Variants in ETF1 observed in about 807,000 individuals in gnomAD.
ETF1 encodes the protein eukaryotic peptide chain release factor subunit 1.
ETF1 carries 4 observed loss-of-function variants against 55.1 expected under a neutral mutation model. That is an observed-to-expected ratio of 0.07 (90% confidence interval 0.04 to 0.17). ETF1 has a LOEUF of 0.17. Ranked by LOEUF, ETF1 falls within the 10% of genes least tolerant of loss-of-function variation. The pLI is 1.00. For missense variants in ETF1, 142 were observed against 523.6 expected, an observed-to-expected ratio of 0.27 and a Z score of 7.11; for synonymous variants, 157 against 182.3, an observed-to-expected ratio of 0.86 and a Z score of 1.12.
At chr5:138,508,614 G>C (rs1764645130) in intron 10 of ETF1, 55 bp downstream of exon 10, 3 of 1,605,480 alleles carry the variant, frequency 1.9e-6, no homozygotes, top group Non-Finnish European at 8.5e-7. Context: ...CTAGCCAGGA[G>C]GGACCTTGAC....
At chr5:138,518,500 A>G (rs992264504) in intron 3 of ETF1, among the ~76,000 whole-genome samples, 192 bp downstream of exon 3, 1 of 152,170 alleles carries the variant, frequency 6.6e-6, no homozygotes, top group African/African-American at 2.4e-5. Flanking sequence ...GGCATGAGCC[A>G]CTGTGCCTGG....
chr5:138,515,029 T>A (rs969391180), intron 4 of ETF1, among the ~76,000 whole-genome samples: 5 of 152,230 alleles, frequency 3.3e-5, no homozygotes, highest in Non-Finnish European at 7.3e-5. Flanking sequence ...CACCTGGCCT[T>A]ACCATTCCAT....
At chr5:138,524,912 C>CT (rs763839038) in intron 2 of ETF1, among the ~76,000 whole-genome samples, 12 of 150,330 alleles carry the variant, frequency 8.0e-5, no homozygotes, top group Admixed American at 2.0e-4. Context: ...CTTCCTTTCC[C>CT]TTTTTTTTTC....
intron 9 of ETF1, chr5:138,509,278 G>GATGCACTT (rs1764670341): frequency 1.7e-6 from 1 of 588,596 alleles, no homozygotes; most frequent in South Asian, 7.5e-5. Flanking sequence ...CAACTGTTGT[G>GATGCACTT]ATGCACTTAG....
At chr5:138,525,468 T>TGTA (rs1561838992) in intron 2 of ETF1, among the ~76,000 whole-genome samples, 1 of 15,348 alleles carries the variant, frequency 6.5e-5, no homozygotes, top group Non-Finnish European at 2.0e-4. Flanking sequence ...TTAATAATTT[T>TGTA]ATGAGAACAA....
At chr5:138,524,509 C>T (rs1765374855) in intron 2 of ETF1, among the ~76,000 whole-genome samples, 1 of 150,020 alleles carries the variant, frequency 6.7e-6, no homozygotes, top group Non-Finnish European at 1.5e-5. Flanking sequence ...GCCGTGATCA[C>T]ACCACTGCAC....
chr5:138,538,468 G>C (rs1435990322), intron 2 of ETF1, among the ~76,000 whole-genome samples: 2 of 152,230 alleles, frequency 1.3e-5, no homozygotes, highest in African/African-American at 4.8e-5. Context: ...GGGATTACAG[G>C]TGTGAGTCAA....
At chr5:138,508,408 G>A in intron 10 of ETF1, 21 bp from the exon 11 acceptor site, 1 of 1,613,080 alleles carries the variant, frequency 6.2e-7, no homozygotes. Context: ...AAACCAAAAG[G>A]TAAATTACCT....
intron 2 of ETF1, among the ~76,000 whole-genome samples, chr5:138,524,423 T>C (rs148378086): frequency 4.6e-5 from 7 of 151,884 alleles, no homozygotes; most frequent in African/African-American, 1.4e-4. Flanking sequence ...TATGGTGGTA[T>C]GTGCCTGTAA....
chr5:138,530,024 G>A (rs902664494), intron 2 of ETF1, among the ~76,000 whole-genome samples: 11 of 152,102 alleles, frequency 7.2e-5, no homozygotes, highest in South Asian at 4.1e-4. Flanking sequence ...GGTTATAGGC[G>A]CAAGCGACCG....
At chr5:138,522,877 G>T (rs1373106331) in intron 2 of ETF1, among the ~76,000 whole-genome samples, 1 of 152,112 alleles carries the variant, frequency 6.6e-6, no homozygotes, top group Middle Eastern at 3.4e-3. Flanking sequence ...GCAGTGGCAG[G>T]CGCCTGTAGT....
intron 2 of ETF1, among the ~76,000 whole-genome samples, chr5:138,522,618 C>A (rs983460833): frequency 2.0e-5 from 3 of 151,500 alleles, no homozygotes; most frequent in Admixed American, 2.0e-4. Flanking sequence ...AAAGAAACAA[C>A]CCATATGTCC....
At position 138,517,714 on chromosome 5, in the gene ETF1, A is replaced by G. The variant is rs771063949; in HGVS notation, c.263-14T>C. The G allele has an allele frequency of 3.1e-5, 44 of 1,440,198 alleles. No individual in the cohort carries two copies. The highest frequency in any genetic ancestry group is 4.0e-5 in the Non-Finnish European group (43 of 1,078,078). 89.2% of individuals were successfully genotyped at this position (1,440,198 alleles called of 1,614,324 possible). A position where few individuals can be genotyped will look rare whatever the true frequency, so the allele number is the denominator to read the frequency against. On this transcript the variant is annotated splice_polypyrimidine_tract_variant and intron_variant, in intron 3 of 10. Transcript: ENST00000360541. ...CATTTGGAGGTACTGCAAAGAACAC[A>G]AACAATTTTTCTACTTTACCCCATA...
chr5:138,511,331 T>C, intron 7 of ETF1, 131 bp from the exon 8 acceptor site: 5 of 1,506,144 alleles, frequency 3.3e-6, no homozygotes, highest in South Asian at 1.4e-5. Flanking sequence ...TTAATAAAAA[T>C]ACTAAATATT....
chr5:138,529,683 A>C, intron 2 of ETF1: 2 of 984,992 alleles, frequency 2.0e-6, no homozygotes, highest in Non-Finnish European at 2.4e-6. Context: ...TAACGTCTGA[A>C]AAATCAAACA....
intron 2 of ETF1, among the ~76,000 whole-genome samples, chr5:138,535,015 G>C (rs1765859456): frequency 6.7e-6 from 1 of 148,682 alleles, no homozygotes; most frequent in South Asian, 2.1e-4. Context: ...GCCCAGGCTG[G>C]TATTGGCTCA....
Position 138,543,204 on chromosome 5 carries a change from T to G in ETF1, c.-126A>C. 1 of 537,682 alleles carries G rather than the reference T, an allele frequency of 1.9e-6. No individual in the cohort carries two copies. The highest frequency in any genetic ancestry group is 2.0e-5 in the African/African-American group (1 of 50,898). The allele number at this position is 537,682 out of a possible 1,614,324, so 33.3% of individuals were successfully genotyped here. A position where few individuals can be genotyped will look rare whatever the true frequency, so the allele number is the denominator to read the frequency against. On this transcript the variant is annotated 5_prime_UTR_variant, in exon 1 of 11. An upstream start codon of the reference 5' UTR is lost. Coordinates refer to ENST00000360541, the MANE Select transcript of ETF1 (RefSeq NM_004730.4). ...GGCTCCCTCTCTCCAGGCAGCTGCA[T>G]GTGTTGCAATCCGCTCACATGGGGC... is the stretch of plus-strand genomic sequence containing the variant.
intron 2 of ETF1, among the ~76,000 whole-genome samples, chr5:138,537,488 G>GA (rs1428210909): frequency 1.3e-5 from 2 of 152,206 alleles, no homozygotes; most frequent in Admixed American, 1.3e-4. Flanking sequence ...GAAAGAGTGA[G>GA]AAGTCTGTAG....
intron 9 of ETF1, 72 bp from the exon 10 acceptor site, chr5:138,508,888 C>G: frequency 1.9e-6 from 3 of 1,551,118 alleles, no homozygotes; most frequent in Non-Finnish European, 2.6e-6. Context: ...CCTCTCACAG[C>G]CCCTTGCCCA....
Sources: gnomAD v4.1 joint callset for allele counts (sites outside exome capture counted in the v4.1 genomes callset) on GRCh38, gnomAD v4.1.1 for gene constraint, MANE v1.5 for transcripts, NCBI Gene and HGNC (gene_info 2026-07-23, HGNC 2026-07-21) for gene names.